PTPRN2: variants seen among roughly 807,000 people sequenced by gnomAD.
PTPRN2 encodes the protein protein tyrosine phosphatase receptor type N2.
In PTPRN2, 74 loss-of-function variants were observed where a neutral mutation model predicts 118.8. The ratio of observed to expected loss-of-function variants is 0.62; its 90% CI spans 0.52 to 0.76. PTPRN2 has a LOEUF of 0.76. PTPRN2 is among the 30% of genes least tolerant of loss of function. The pLI is 0.00. For synonymous variants in PTPRN2, 641 were observed against 608.0 expected (o/e 1.05, Z -0.80); for missense variants, 1,481 against 1,394.4 (o/e 1.06, Z -0.99).
intron 3 of PTPRN2, among the ~76,000 whole-genome samples, chr7:158,279,060 G>C (rs1799233366): frequency 1.3e-5 from 2 of 152,134 alleles, no homozygotes; most frequent in African/African-American, 4.8e-5. Context: ...AACTTACTGT[G>C]AACAGCAAAA....
At chr7:158,387,573 G>GCGGAAGCA (rs1811558247) in intron 2 of PTPRN2, among the ~76,000 whole-genome samples, 2 of 152,172 alleles carry the variant, frequency 1.3e-5, no homozygotes, top group Non-Finnish European at 2.9e-5. Flanking sequence ...ATCCCTGTCA[G>GCGGAAGCA]CTCAGCTTGG....
rs1307490949 is a variant in PTPRN2, at chr7:157,787,563, T to A, written c.1789-104626A>T. On this transcript the variant is annotated intron_variant, in intron 12 of 22. Transcript: ENST00000389418. The surrounding 1 kb of genome is among the most constrained non-coding windows in gnomAD (Gnocchi z 5.3). ...GTCCTGCTTCTCTCCTTGTCCTTCA[T>A]GTCTTGTAGGCGACCCCACAGAGAG... Among the ~76,000 whole-genome samples the A allele has an allele frequency of 2.0e-5, 3 of 152,046 alleles. No homozygotes were observed. Among genetic ancestry groups the A allele is most frequent in the Non-Finnish European group, 2.9e-5 (2 of 67,964 alleles).
intron 5 of PTPRN2, among the ~76,000 whole-genome samples, chr7:158,181,740 T>C (rs571439696): frequency 6.6e-6 from 1 of 152,324 alleles, no homozygotes; most frequent in African/African-American, 2.4e-5. Context: ...CATAGAAGTG[T>C]TCATAATAGT....
chr7:157,966,952 T>A (rs1427757491), intron 11 of PTPRN2, among the ~76,000 whole-genome samples: 1 of 152,158 alleles, frequency 6.6e-6, no homozygotes, highest in Non-Finnish European at 1.5e-5. Flanking sequence ...TTCTAAAAAG[T>A]TCTGTGTTTG....
chr7:157,839,515 CTGTG>C (rs1283155744), intron 12 of PTPRN2, among the ~76,000 whole-genome samples: 1 of 150,290 alleles, frequency 6.7e-6, no homozygotes, highest in Non-Finnish European at 1.5e-5. Context: ...ATGTGTCTGT[CTGTG>C]TGTGTGACTT....
At chr7:157,909,694 C>T (rs1304483393) in intron 11 of PTPRN2, among the ~76,000 whole-genome samples, 1 of 152,244 alleles carries the variant, frequency 6.6e-6, no homozygotes, top group Admixed American at 6.5e-5. Context: ...AACATCGGGC[C>T]CTCATCCCAT....
rs1475527336 is a variant in PTPRN2 at position 158,337,450 on chromosome 7, G to A, written c.164-20518C>T. On this transcript the variant is annotated intron_variant, in intron 2 of 22. Coordinates refer to ENST00000389418, the MANE Select transcript of PTPRN2 (RefSeq NM_002847.5). The stretch of plus-strand genomic sequence containing the variant: ...ACCATAAGAGGTGACACCCACAGAC[G>A]TCACTCAAACCCACACTCTCACCAT... Among the ~76,000 whole-genome samples, 7 of 137,548 alleles carry A rather than the reference G, an allele frequency of 5.1e-5. 1 individual carries two copies. Among genetic ancestry groups the A allele is most frequent in the South Asian group, 4.8e-4 (2 of 4,196 alleles). 90.2% of individuals were successfully genotyped at this position (137,548 alleles called of 152,430 possible). A position where few individuals can be genotyped will look rare whatever the true frequency, so the allele number is the denominator to read the frequency against.
intron 9 of PTPRN2, among the ~76,000 whole-genome samples, chr7:158,112,271 G>A (rs1258704830): frequency 6.6e-6 from 1 of 152,248 alleles, no homozygotes; most frequent in Non-Finnish European, 1.5e-5. Flanking sequence ...AGAGAGGAGA[G>A]ACTGTCTTGT....
chr7:158,292,052 T>C (rs1800157078), intron 3 of PTPRN2, among the ~76,000 whole-genome samples: 1 of 152,228 alleles, frequency 6.6e-6, no homozygotes, highest in Admixed American at 6.5e-5. Context: ...TGTCTAGCTT[T>C]TAGTGAGGCT....
At chr7:158,058,285 C>A (rs1415785488) in intron 11 of PTPRN2, among the ~76,000 whole-genome samples, 1 of 142,166 alleles carries the variant, frequency 7.0e-6, no homozygotes, top group South Asian at 2.4e-4. Context: ...CATCTGCCCA[C>A]GGTGAGACAT....
chr7:157,562,395 G>T (rs1198517528), intron 21 of PTPRN2, among the ~76,000 whole-genome samples: 2 of 152,196 alleles, frequency 1.3e-5, no homozygotes, highest in African/African-American at 4.8e-5. Context: ...TGGCCCCCAG[G>T]ACCTGCTGTG....
chr7:158,129,110 A>T lies in PTPRN2; in HGVS notation c.1556+4567T>A, dbSNP rs538896889. 1.4e-3 allele frequency among the ~76,000 whole-genome samples: 215 copies of T among 151,568 alleles called. 1 individual carries two copies. Among genetic ancestry groups the T allele is most frequent in the African/African-American group, 4.6e-3 (189 of 41,314 alleles). ...ATGCCACACACTACACACCACACAC[A>T]ACACATAAACCACACAGCACACCAC... On this transcript the variant is annotated intron_variant, in intron 9 of 22. Coordinates refer to ENST00000389418, the MANE Select transcript of PTPRN2 (RefSeq NM_002847.5).
chr7:157,817,532 C>T (rs962256130), intron 12 of PTPRN2, among the ~76,000 whole-genome samples: 3 of 152,218 alleles, frequency 2.0e-5, no homozygotes, highest in South Asian at 2.1e-4. Context: ...GTCCTCCCCA[C>T]GTCCTCAGGT....
chr7:157,935,860 G>A (rs113270153), intron 11 of PTPRN2, among the ~76,000 whole-genome samples: 1 of 140,288 alleles, frequency 7.1e-6, no homozygotes, highest in Non-Finnish European at 1.5e-5. Context: ...CATCTGTGTC[G>A]CTCCCTCAGG....
intron 2 of PTPRN2, among the ~76,000 whole-genome samples, chr7:158,321,330 C>T (rs999613916): frequency 3.3e-5 from 5 of 152,190 alleles, no homozygotes; most frequent in Non-Finnish European, 7.4e-5. Context: ...CTCCTGCCTT[C>T]GTGTTCTTGG....
intron 2 of PTPRN2, among the ~76,000 whole-genome samples, chr7:158,331,120 C>G (rs1481613437): frequency 1.3e-5 from 2 of 149,310 alleles, no homozygotes; most frequent in African/African-American, 2.5e-5. Flanking sequence ...CACCCACACT[C>G]TCACCATAAG....
intron 10 of PTPRN2, among the ~76,000 whole-genome samples, chr7:158,088,182 A>AC (rs1211795465): frequency 2.5e-4 from 10 of 40,150 alleles, no homozygotes; most frequent in Admixed American, 8.5e-4. Context: ...GTCTTCACAC[A>AC]AACCTTCCTC....
intron 1 of PTPRN2, among the ~76,000 whole-genome samples, chr7:158,494,205 A>G (rs1430548786): frequency 6.6e-6 from 1 of 152,244 alleles, no homozygotes; most frequent in African/African-American, 2.4e-5. Flanking sequence ...AGCTCGGCAC[A>G]TCCTGTACCA....
At chr7:157,838,176 C>T (rs1808111294) in intron 12 of PTPRN2, among the ~76,000 whole-genome samples, 4 of 149,952 alleles carry the variant, frequency 2.7e-5, no homozygotes, top group South Asian at 2.1e-4. Context: ...ACTCCAGTTC[C>T]TCTCATAGTG....
Sources: gnomAD v4.1 joint callset for allele counts (sites outside exome capture counted in the v4.1 genomes callset) on GRCh38, gnomAD v4.1.1 for gene constraint, Gnocchi (gnomAD v3.1) non-coding constraint, MANE v1.5 for transcripts, NCBI Gene and HGNC (gene_info 2026-07-23, HGNC 2026-07-21) for gene names.